The following CEACAM18 variants were observed in gnomAD, a reference collection of about 807,000 sequenced individuals.
The protein encoded by CEACAM18 is cell adhesion molecule CEACAM18.
CEACAM18 carries 33 observed loss-of-function variants against 34.3 expected under a neutral mutation model. That is an observed-to-expected ratio of 0.96 (90% CI 0.73 to 1.29). The LOEUF (loss-of-function observed/expected upper bound fraction) is 1.29, where lower values mean the gene tolerates loss of function less well. Among genes scored for constraint, CEACAM18 ranks in the 50% most tolerant of loss-of-function variants. The probability of loss-of-function intolerance (pLI) is 0.00; values close to 1 mark genes in which losing one functional copy is unlikely to be tolerated. For synonymous variants in CEACAM18, 169 were observed against 180.9 expected (o/e 0.93, Z 0.53); for missense variants, 474 against 485.0 (o/e 0.98, Z 0.21).
chr19:51,489,612 A>G (rs1047651550), intron 5 of CEACAM18, among the ~76,000 whole-genome samples: 8 of 152,160 alleles, frequency 5.3e-5, no homozygotes, highest in Non-Finnish European at 1.2e-4. Flanking sequence ...TATGATTATT[A>G]TATGGTCCCT....
At chr19:51,487,928 T>C (rs1990032087) in intron 5 of CEACAM18, among the ~76,000 whole-genome samples, 1 of 152,254 alleles carries the variant, frequency 6.6e-6, no homozygotes, top group Non-Finnish European at 1.5e-5. Context: ...CACCAGCTCA[T>C]GGCTATGAGA....
chr19:51,480,909 C>T (rs767892515), intron 2 of CEACAM18, among the ~76,000 whole-genome samples: 5 of 152,168 alleles, frequency 3.3e-5, no homozygotes, highest in Admixed American at 1.3e-4. Flanking sequence ...ATACATACTG[C>T]AGGACCCTGG....
chr19:51,483,100 A>G, exon 4 of CEACAM18: 1 of 1,614,040 alleles, frequency 6.2e-7, no homozygotes, highest in Non-Finnish European at 8.5e-7. Context: ...CCAAGTGGAA[A>G]TGGAGTGTAT....
In CEACAM18 at chr19:51,483,300, C is replaced by T. The variant is rs757196921; in HGVS notation, c.953+4C>T. The stretch of plus-strand genomic sequence containing the variant: ...TCAGGATCCAGGCCCCCCATGAGTG[C>T]AGCAGCTCCCCTCCAGGCTCATGCT... On this transcript the variant is annotated splice_donor_region_variant and intron_variant, in intron 4 of 5. Transcript: ENST00000396477. 3.7e-6 allele frequency: 6 copies of T among 1,613,656 alleles called. No homozygotes were observed. Among genetic ancestry groups the T allele is most frequent in the Middle Eastern group, 1.7e-4 (1 of 5,826 alleles).
chr19:51,490,617 A>T lies in CEACAM18; in HGVS notation c.1120A>T (p.Arg374Ter). 2.4e-6 allele frequency: 3 copies of T among 1,232,450 alleles called. No homozygotes were observed. Among genetic ancestry groups the T allele is most frequent in the Non-Finnish European group, 1.0e-6 (1 of 988,278 alleles). 76.3% of individuals were successfully genotyped at this position (1,232,450 alleles called of 1,614,324 possible). A position where few individuals can be genotyped will look rare whatever the true frequency, so the allele number is the denominator to read the frequency against. ...ATCGGGCTCCATGAGTGTCCACCCC[A>T]GACCTGAGGACAAGACCAGAAGGGC... The change falls in exon 6 of 6, where the codon AGA becomes TGA. Residue 374 changes from arginine (R) to a stop codon, truncating the protein, a stop_gained. Coordinates refer to ENST00000396477, the Ensembl canonical transcript of CEACAM18. LOFTEE classifies it high-confidence loss of function.
At chr19:51,484,296 A>C (rs955557919) in intron 4 of CEACAM18, among the ~76,000 whole-genome samples, 10 of 150,962 alleles carry the variant, frequency 6.6e-5, no homozygotes, top group African/African-American at 2.4e-4. Flanking sequence ...TACAAGATTC[A>C]GGAGGGCAGA....
At chr19:51,481,613 G>C in exon 3 of CEACAM18, 1 of 1,613,912 alleles carries the variant, frequency 6.2e-7, no homozygotes, top group South Asian at 1.1e-5. Flanking sequence ...GCATGATAGA[G>C]AGTTTCCCAG....
At chr19:51,479,893 T>C (rs939662258) in intron 1 of CEACAM18, among the ~76,000 whole-genome samples, 2 of 151,992 alleles carry the variant, frequency 1.3e-5, no homozygotes, top group Non-Finnish European at 2.9e-5. Context: ...GGGGACAGGA[T>C]GGGGTAGGTG....
At chr19:51,486,135 G>A (rs1989995705) in intron 5 of CEACAM18, among the ~76,000 whole-genome samples, 2 of 152,108 alleles carry the variant, frequency 1.3e-5, no homozygotes, top group African/African-American at 4.8e-5. Context: ...AATAGTGGTG[G>A]TGGTGATAGT....
chr19:51,480,147 C>T (rs570698090), intron 1 of CEACAM18, among the ~76,000 whole-genome samples, 186 bp from the exon 2 acceptor site: 42 of 152,196 alleles, frequency 2.8e-4, no homozygotes, highest in African/African-American at 9.4e-4. Context: ...AAATGGACCA[C>T]GGCAGGGGCT....
intron 5 of CEACAM18, among the ~76,000 whole-genome samples, chr19:51,486,894 T>A (rs1201621384): frequency 1.6e-5 from 2 of 126,940 alleles, no homozygotes; most frequent in Non-Finnish European, 3.4e-5. Flanking sequence ...ATTTTTTTGT[T>A]TTTTTTTTTA....
intron 5 of CEACAM18, among the ~76,000 whole-genome samples, chr19:51,490,125 T>C (rs1990067080): frequency 6.6e-6 from 1 of 152,196 alleles, no homozygotes; most frequent in South Asian, 2.1e-4. Flanking sequence ...CTGGGGCAAG[T>C]AACATCACCT....
exon 4 of CEACAM18, chr19:51,483,103 G>A (rs771596418): frequency 1.2e-6 from 2 of 1,614,058 alleles, no homozygotes; most frequent in South Asian, 1.1e-5. Flanking sequence ...AGTGGAAATG[G>A]AGTGTATCTG....
At chr19:51,488,232 G>A (rs1324568445) in intron 5 of CEACAM18, among the ~76,000 whole-genome samples, 1 of 152,100 alleles carries the variant, frequency 6.6e-6, no homozygotes, top group African/African-American at 2.4e-5. Context: ...TGACATAGTG[G>A]GGAGGGGCTC....
chr19:51,484,230 G>T (rs1047571724), intron 4 of CEACAM18, among the ~76,000 whole-genome samples: 1 of 152,074 alleles, frequency 6.6e-6, no homozygotes, highest in Non-Finnish European at 1.5e-5. Context: ...CACCAGACAC[G>T]ATGTGTGCAT....
intron 5 of CEACAM18, among the ~76,000 whole-genome samples, chr19:51,490,139 T>C (rs1402393970): frequency 2.0e-5 from 3 of 152,218 alleles, no homozygotes; most frequent in Non-Finnish European, 4.4e-5. Context: ...ATCACCTCTC[T>C]GGACCCTCAT....
chr19:51,488,368 T>C (rs1329773298), intron 5 of CEACAM18, among the ~76,000 whole-genome samples: 1 of 152,200 alleles, frequency 6.6e-6, no homozygotes, highest in Non-Finnish European at 1.5e-5. Context: ...TTTATCCCCA[T>C]AGGAGATATC....
intron 1 of CEACAM18, 109 bp from the exon 2 acceptor site, chr19:51,480,224 C>A: frequency 2.2e-6 from 2 of 909,004 alleles, no homozygotes; most frequent in Non-Finnish European, 3.3e-6. Flanking sequence ...GCCTGGTTCA[C>A]CAGCGTCTCT....
chr19:51,484,537 G>A (rs1009967236), intron 4 of CEACAM18, among the ~76,000 whole-genome samples: 1 of 152,168 alleles, frequency 6.6e-6, no homozygotes, highest in Admixed American at 6.5e-5. Flanking sequence ...GCCCAGGCTG[G>A]TCTTGAACTC....
Sources: gnomAD v4.1 joint callset for allele counts (sites outside exome capture counted in the v4.1 genomes callset) on GRCh38, gnomAD v4.1.1 for gene constraint, MANE v1.5 for transcripts, NCBI Gene and HGNC (gene_info 2026-07-23, HGNC 2026-07-21) for gene names.